The following ITGA1 variants were observed in gnomAD, a reference collection of about 807,000 sequenced individuals.
ITGA1 encodes integrin subunit alpha 1.
Under a neutral mutation model 145.9 loss-of-function variants are expected in ITGA1, and 85 were observed. That is an observed-to-expected ratio of 0.58 (90% confidence interval 0.49 to 0.70). The LOEUF is 0.70. Among genes scored for constraint, ITGA1 ranks in the 30% least tolerant of loss-of-function variants. The pLI is 0.00. For missense variants in ITGA1, 1,351 were observed against 1,418.7 expected, an observed-to-expected ratio of 0.95 and a Z score of 0.77; for synonymous variants, 520 against 495.3, an observed-to-expected ratio of 1.05 and a Z score of -0.66.
chr5:52,879,795 G>C (rs949729335), intron 6 of ITGA1, among the ~76,000 whole-genome samples: 2 of 152,126 alleles, frequency 1.3e-5, no homozygotes, highest in Non-Finnish European at 2.9e-5. Context: ...TTGGGTGAAA[G>C]ATAAACTCAC....
Position 52,937,387 on chromosome 5 carries a change from T to C in ITGA1, c.2965-14T>C. 6.6e-7 allele frequency: 1 copy of C among 1,525,356 alleles called. No individual in the cohort carries two copies. Among genetic ancestry groups the C allele is most frequent in the Non-Finnish European group, 9.1e-7 (1 of 1,099,782 alleles). 94.5% of individuals were successfully genotyped at this position (1,525,356 alleles called of 1,614,324 possible). A position where few individuals can be genotyped will look rare whatever the true frequency, so the allele number is the denominator to read the frequency against. On this transcript the variant is annotated splice_polypyrimidine_tract_variant and intron_variant, in intron 23 of 28. Transcript: ENST00000282588. Reference sequence around the variant, plus strand: ...AAGAGGAAGAAAGATTACATTTCCATTTTTTTCTTGTAGATTAGAAAAAGT... The same window carrying C: ...AAGAGGAAGAAAGATTACATTTCCACTTTTTTCTTGTAGATTAGAAAAAGT...
chr5:52,924,828 C>T (rs530571894), intron 18 of ITGA1, among the ~76,000 whole-genome samples: 61 of 152,140 alleles, frequency 4.0e-4, no homozygotes, highest in South Asian at 1.2e-3. Context: ...GAGAGGCGGT[C>T]AATGAAGAAG....
rs367576040 is a variant in ITGA1 at position 52,929,660 on chromosome 5, C to G, written c.2730C>G (p.Ser910=). 2 of 1,591,078 alleles carry G rather than the reference C, an allele frequency of 1.3e-6. No homozygotes were observed. The highest frequency in any genetic ancestry group is 1.7e-6 in the Non-Finnish European group (2 of 1,162,352). The change falls in exon 21 of 29, where the codon TCC becomes TCG. Residue 910 remains serine (S), a synonymous_variant. Transcript: ENST00000282588. Reference sequence around the variant, plus strand: ...AAATATTGTTTCAGTTTAACACATCCTATCTCATGGAAAATGTGACCATTT... The same window carrying G: ...AAATATTGTTTCAGTTTAACACATCGTATCTCATGGAAAATGTGACCATTT... The part of the protein sequence containing the change: ...TFKILFQFNT[S]YLMENVTIYL...
chr5:52,788,286 C>A lies in ITGA1; in HGVS notation c.-68C>A. 5 of 1,260,886 alleles carry A rather than the reference C, an allele frequency of 4.0e-6. No homozygotes were observed. The highest frequency in any genetic ancestry group is 5.2e-6 in the Non-Finnish European group (5 of 959,106). The allele number at this position is 1,260,886 out of a possible 1,614,324, so 78.1% of individuals were successfully genotyped here. ...CGGGATAAGTGGCCCAGCCAGAGAGCGCAGCTCCCGCGCCCGGTCCTGCCC... is the reference window on the plus strand; with the variant it reads ...CGGGATAAGTGGCCCAGCCAGAGAGAGCAGCTCCCGCGCCCGGTCCTGCCC... On this transcript the variant is annotated 5_prime_UTR_variant, in exon 1 of 29. Coordinates refer to ENST00000282588, the MANE Select transcript of ITGA1 (RefSeq NM_181501.2).
At chr5:52,871,615 TA>T (rs904492794) in intron 6 of ITGA1, among the ~76,000 whole-genome samples, 19 of 132,338 alleles carry the variant, frequency 1.4e-4, no homozygotes, top group African/African-American at 5.3e-4. Flanking sequence ...AAAACAAAAA[TA>T]AAAAAAAAGA....
intron 9 of ITGA1, among the ~76,000 whole-genome samples, chr5:52,896,128 G>A (rs7714310): frequency 0.013 from 1,957 of 152,240 alleles, 44 homozygotes; most frequent in African/African-American, 0.045. Flanking sequence ...AGAGTGGCTG[G>A]CCCAAACACC....
chr5:52,807,914 A>G (rs548523910), intron 1 of ITGA1, among the ~76,000 whole-genome samples: 2 of 152,296 alleles, frequency 1.3e-5, no homozygotes, highest in Admixed American at 6.5e-5. Flanking sequence ...AGCTAGAACT[A>G]TGCTACCCCT....
chr5:52,905,613 A>G, intron 11 of ITGA1, 150 bp from the exon 12 acceptor site: 1 of 583,778 alleles, frequency 1.7e-6, no homozygotes, highest in Non-Finnish European at 2.7e-6. Context: ...TTCCACCAAA[A>G]CAAATTCTTA....
chr5:52,800,679 G>A, intron 1 of ITGA1: 2 of 1,614,218 alleles, frequency 1.2e-6, no homozygotes, highest in Non-Finnish European at 1.7e-6. Context: ...AGTATGTCAA[G>A]ATGGGGGCTT....
intron 6 of ITGA1, among the ~76,000 whole-genome samples, chr5:52,876,353 G>C (rs191762228): frequency 6.8e-4 from 104 of 152,266 alleles, no homozygotes; most frequent in African/African-American, 2.2e-3. Flanking sequence ...CACTAGGTTA[G>C]TGCCAAAGTA....
intron 1 of ITGA1, among the ~76,000 whole-genome samples, chr5:52,789,961 A>G (rs1748206975): frequency 1.3e-5 from 2 of 152,218 alleles, no homozygotes; most frequent in Admixed American, 1.3e-4. Context: ...GAAGAGACTT[A>G]AAATATTTAG....
At chr5:52,823,953 A>G (rs1748919374) in intron 1 of ITGA1, among the ~76,000 whole-genome samples, 1 of 152,228 alleles carries the variant, frequency 6.6e-6, no homozygotes, top group Admixed American at 6.5e-5. Context: ...TATCATTAGC[A>G]CATTCTGGTG....
chr5:52,910,277 G>T lies in ITGA1; in HGVS notation c.1715G>T (p.Gly572Val). 2 of 1,613,966 alleles carry T rather than the reference G, an allele frequency of 1.2e-6. No individual in the cohort carries two copies. Among genetic ancestry groups the T allele is most frequent in the Non-Finnish European group, 1.7e-6 (2 of 1,179,958 alleles). Residue 572 changes from glycine (G) to valine (V), a missense_variant, in exon 14 of 29, where the codon GGA (glycine) becomes GTA (valine). By Grantham distance (109) the Gly-to-Val change is moderately radical. Transcript: ENST00000282588. Reference protein sequence around the residue: ...NKNEPCGARFGTAIAAVKDLN... With the variant: ...NKNEPCGARFVTAIAAVKDLN... ...AATGAGCCATGCGGGGCTCGTTTTG[G>T]AACTGCAATTGCTGCTGTAAAAGAC...
Position 52,922,816 on chromosome 5 carries a change from G to A in ITGA1, c.2332G>A (p.Asp778Asn), listed in dbSNP as rs1750750318. 1 of 1,613,342 alleles carries A rather than the reference G, an allele frequency of 6.2e-7. No individual in the cohort carries two copies. Among genetic ancestry groups the A allele is most frequent in the Non-Finnish European group, 8.5e-7 (1 of 1,179,474 alleles). Residue 778 changes from aspartate to asparagine, a missense_variant, in exon 18 of 29, where the codon GAC (aspartate) becomes AAC (asparagine). Transcript: ENST00000282588. ...TCAGGACTCTGTGAGAATAACGTTG[G>A]ACTTTAATCTTACCGATCCAGAAAA... Reference protein sequence around the residue: ...DFQDSVRITLDFNLTDPENGP... With the variant: ...DFQDSVRITLNFNLTDPENGP...
intron 1 of ITGA1, among the ~76,000 whole-genome samples, chr5:52,811,474 A>G (rs1748682733): frequency 6.6e-6 from 1 of 152,042 alleles, no homozygotes; most frequent in Admixed American, 6.6e-5. Context: ...TCTTTTTTGC[A>G]CCCTATTTTA....
At chr5:52,888,298 A>G (rs956585893) in intron 8 of ITGA1, among the ~76,000 whole-genome samples, 7 of 152,196 alleles carry the variant, frequency 4.6e-5, no homozygotes, top group Non-Finnish European at 1.0e-4. Flanking sequence ...GAAGAGGAAA[A>G]GAAGAGGAGG....
chr5:52,874,863 A>G lies in ITGA1; in HGVS notation c.625-7010A>G, dbSNP rs780846550. On this transcript the variant is annotated intron_variant, in intron 6 of 28. Transcript: ENST00000282588. ...GAAGGTGAATTTAAAACACAGAACA[A>G]TTAGTTGATCTTGACAAGTAAGTAA... is the stretch of plus-strand genomic sequence containing the variant. Among the ~76,000 whole-genome samples, 12 of 152,184 alleles carry G rather than the reference A, an allele frequency of 7.9e-5. No homozygotes were observed. In the South Asian group the frequency reaches 1.2e-3, roughly 16 times the overall value.
chr5:52,797,157 C>T (rs17209725), intron 1 of ITGA1, among the ~76,000 whole-genome samples: 39,741 of 151,510 alleles, frequency 0.26, 5,542 homozygotes, highest in Non-Finnish European at 0.31. Context: ...ATCTAATAGT[C>T]AACTACAGGC....
At chr5:52,820,843 G>A (rs1431722141) in intron 1 of ITGA1, among the ~76,000 whole-genome samples, 1 of 152,046 alleles carries the variant, frequency 6.6e-6, no homozygotes, top group Non-Finnish European at 1.5e-5. Context: ...GCATATGCTG[G>A]GAGGATATTT....
Sources: gnomAD v4.1 joint callset for allele counts (sites outside exome capture counted in the v4.1 genomes callset) on GRCh38, gnomAD v4.1.1 for gene constraint, MANE v1.5 for transcripts, NCBI Gene and HGNC (gene_info 2026-07-23, HGNC 2026-07-21) for gene names.